Variants in CNTNAP2 observed in about 807,000 individuals in gnomAD.
CNTNAP2 encodes contactin associated protein 2.
In CNTNAP2, 98 loss-of-function variants were observed where a neutral mutation model predicts 155.2. That is an observed-to-expected ratio of 0.63 (90% CI 0.54 to 0.75). The LOEUF is 0.75. CNTNAP2 is among the 30% of genes least tolerant of loss of function. The pLI is 0.00. For missense variants in CNTNAP2, 1,727 were observed against 1,688.1 expected (o/e 1.02, Z -0.40); for synonymous variants, 651 against 631.2 (o/e 1.03, Z -0.47).
chr7:147,820,760 A>T (rs888103442), intron 13 of CNTNAP2, among the ~76,000 whole-genome samples: 2 of 152,130 alleles, frequency 1.3e-5, no homozygotes, highest in Non-Finnish European at 2.9e-5. Flanking sequence ...TGTGAAAAAA[A>T]CTTAAAATGA....
chr7:146,442,639 A>G (rs1796336616), intron 1 of CNTNAP2, among the ~76,000 whole-genome samples: 1 of 152,122 alleles, frequency 6.6e-6, no homozygotes, highest in African/African-American at 2.4e-5. Flanking sequence ...ACAGCTTATC[A>G]CAATAGAAGG....
At chr7:148,186,485 G>A (rs769647351) in intron 18 of CNTNAP2, among the ~76,000 whole-genome samples, 29 of 152,144 alleles carry the variant, frequency 1.9e-4, no homozygotes, top group Admixed American at 1.6e-3. Flanking sequence ...CACACTCACT[G>A]GATCAGATCC....
chr7:146,341,051 G>A (rs1584878096), intron 1 of CNTNAP2, among the ~76,000 whole-genome samples: 1 of 152,218 alleles, frequency 6.6e-6, no homozygotes, highest in Non-Finnish European at 1.5e-5. Context: ...TCTGCAAAAG[G>A]CTAAGAGTTC....
chr7:147,584,910 G>A (rs1385622178), intron 12 of CNTNAP2, among the ~76,000 whole-genome samples: 1 of 152,112 alleles, frequency 6.6e-6, no homozygotes, highest in East Asian at 1.9e-4. Context: ...GGATGCCCTT[G>A]ATGGCCTGCG....
At chr7:147,755,506 A>C (rs1447498993) in intron 13 of CNTNAP2, among the ~76,000 whole-genome samples, 7 of 152,160 alleles carry the variant, frequency 4.6e-5, no homozygotes, top group Admixed American at 4.6e-4. Flanking sequence ...TACAAAAATT[A>C]GCCAGGCATG....
At chr7:147,792,447 G>A (rs930880396) in intron 13 of CNTNAP2, among the ~76,000 whole-genome samples, 5 of 151,960 alleles carry the variant, frequency 3.3e-5, no homozygotes, top group Non-Finnish European at 5.9e-5. Context: ...GGCATTTTGT[G>A]TCTTGCTTCT....
At chr7:147,034,589 C>A (rs1440928264) in intron 3 of CNTNAP2, among the ~76,000 whole-genome samples, 1 of 152,062 alleles carries the variant, frequency 6.6e-6, no homozygotes, top group Non-Finnish European at 1.5e-5. Flanking sequence ...CTTTCTGTAC[C>A]CTGGGTTCTT....
At chr7:146,300,017 A>G (rs906049618) in intron 1 of CNTNAP2, among the ~76,000 whole-genome samples, 3 of 152,210 alleles carry the variant, frequency 2.0e-5, no homozygotes, top group African/African-American at 7.2e-5. Flanking sequence ...AGAAAATTTC[A>G]TCAATTGCGT....
At chr7:147,924,286 G>A (rs773852025) in intron 14 of CNTNAP2, among the ~76,000 whole-genome samples, 9 of 151,860 alleles carry the variant, frequency 5.9e-5, no homozygotes, top group Non-Finnish European at 1.0e-4. Flanking sequence ...TTACAGGCAT[G>A]TACCACAATG....
rs902576201 is a variant in CNTNAP2 at position 146,935,422 on chromosome 7, C to T, written c.402+95518C>T. Among the ~76,000 whole-genome samples the T allele has an allele frequency of 2.0e-4, 31 of 152,266 alleles. No homozygotes were observed. In the East Asian group the frequency reaches 5.0e-3, roughly 25 times the overall value. On this transcript the variant is annotated intron_variant, in intron 3 of 23. Coordinates refer to ENST00000361727, the MANE Select transcript of CNTNAP2 (RefSeq NM_014141.6). ...GAGACTTAAATGGTACATACGTTGCCTCATAATCAGTCAGAAACAGAACTT... is the reference window on the plus strand; with the variant it reads ...GAGACTTAAATGGTACATACGTTGCTTCATAATCAGTCAGAAACAGAACTT...
intron 1 of CNTNAP2, among the ~76,000 whole-genome samples, chr7:146,683,676 G>A (rs1205439339): frequency 2.0e-5 from 3 of 152,126 alleles, no homozygotes; most frequent in African/African-American, 7.2e-5. Flanking sequence ...TTACCCCATA[G>A]GAGAAGTTTA....
intron 9 of CNTNAP2, among the ~76,000 whole-genome samples, chr7:147,365,383 G>GAAAAAAAAAA (rs10557373): frequency 1.2e-3 from 110 of 93,632 alleles, no homozygotes; most frequent in Middle Eastern, 8.9e-3. Flanking sequence ...ATCTCAAAAA[G>GAAAAAAAAAA]AAAAAAAAAA....
chr7:146,211,354 A>G (rs1345874459), intron 1 of CNTNAP2, among the ~76,000 whole-genome samples: 1 of 152,186 alleles, frequency 6.6e-6, no homozygotes, highest in Non-Finnish European at 1.5e-5. Flanking sequence ...AGAAAAGTCT[A>G]CCTTTCAAAT....
At chr7:146,935,933 AGTCTCCCTG>A (rs879840077) in intron 3 of CNTNAP2, among the ~76,000 whole-genome samples, 6 of 152,190 alleles carry the variant, frequency 3.9e-5, no homozygotes, top group Admixed American at 3.9e-4. Flanking sequence ...TCATAATAGA[AGTCTCCCTG>A]GTGTGCTGTA....
At chr7:148,130,260 G>A (rs1026335710) in intron 16 of CNTNAP2, among the ~76,000 whole-genome samples, 3 of 152,216 alleles carry the variant, frequency 2.0e-5, no homozygotes, top group African/African-American at 7.2e-5. Context: ...TTAATATAAA[G>A]AAATGCTATT....
chr7:146,260,657 G>A (rs1053058481), intron 1 of CNTNAP2, among the ~76,000 whole-genome samples: 35 of 152,094 alleles, frequency 2.3e-4, no homozygotes, highest in African/African-American at 5.8e-4. Flanking sequence ...CTATTTCTCC[G>A]TTTTGGAATG....
intron 11 of CNTNAP2, among the ~76,000 whole-genome samples, chr7:147,550,282 T>G (rs1044096918): frequency 1.3e-5 from 2 of 152,152 alleles, no homozygotes; most frequent in Admixed American, 1.3e-4. Context: ...ATAATCCCCA[T>G]ATGTCAAGGG....
chr7:148,175,705 G>A (rs1176903849), intron 18 of CNTNAP2, among the ~76,000 whole-genome samples: 1 of 152,022 alleles, frequency 6.6e-6, no homozygotes, highest in Non-Finnish European at 1.5e-5. Flanking sequence ...AAATAGCCCA[G>A]GTCATAAAAT....
intron 1 of CNTNAP2, among the ~76,000 whole-genome samples, chr7:146,693,477 T>G (rs1165208618): frequency 6.6e-6 from 1 of 152,138 alleles, no homozygotes; most frequent in East Asian, 1.9e-4. Context: ...TTGTTATTAT[T>G]GAAAATTTTT....
Sources: gnomAD v4.1 joint callset for allele counts (sites outside exome capture counted in the v4.1 genomes callset) on GRCh38, gnomAD v4.1.1 for gene constraint, MANE v1.5 for transcripts, NCBI Gene and HGNC (gene_info 2026-07-23, HGNC 2026-07-21) for gene names.